The following DEFB119 variants were observed in gnomAD, a reference collection of about 807,000 sequenced individuals.
DEFB119 encodes defensin beta 119.
In DEFB119, 3 loss-of-function variants were observed where a neutral mutation model predicts 2.5. The ratio of observed to expected loss-of-function variants is 1.19; its 90% CI spans 0.54 to 3.07. The LOEUF is 3.07. DEFB119 is among the 30% of genes most tolerant of loss of function. The pLI, the probability that DEFB119 is intolerant of heterozygous loss-of-function variation, is 0.03. For synonymous variants in DEFB119, 29 were observed against 33.7 expected (o/e 0.86, Z 0.48); for missense variants, 113 against 101.1 (o/e 1.12, Z -0.50).
intron 1 of DEFB119, among the ~76,000 whole-genome samples, chr20:31,379,997 T>C (rs778069639): frequency 2.0e-5 from 3 of 152,188 alleles, no homozygotes; most frequent in Non-Finnish European, 4.4e-5. Flanking sequence ...TGTTTCTATG[T>C]TCCAGATACA....
At chr20:31,384,914 T>C (rs534105417) in intron 1 of DEFB119, among the ~76,000 whole-genome samples, 11 of 152,224 alleles carry the variant, frequency 7.2e-5, no homozygotes, top group Non-Finnish European at 1.6e-4. Flanking sequence ...CCTTCTATTT[T>C]TGTAAAATAT....
chr20:31,389,050 A>C (rs749194522), intron 1 of DEFB119: 2 of 1,614,168 alleles, frequency 1.2e-6, no homozygotes, highest in Non-Finnish European at 1.7e-6. Context: ...ATTTGTCTTC[A>C]TTTTTGGAGC....
At chr20:31,382,275 G>A (rs1459837896) in intron 1 of DEFB119, among the ~76,000 whole-genome samples, 1 of 151,958 alleles carries the variant, frequency 6.6e-6, no homozygotes, top group Non-Finnish European at 1.5e-5. Flanking sequence ...AACCTAAGGG[G>A]CTATAGAGAG....
chr20:31,378,832 G>A (rs1217373051), intron 1 of DEFB119, among the ~76,000 whole-genome samples: 1 of 152,010 alleles, frequency 6.6e-6, no homozygotes, highest in African/African-American at 2.4e-5. Flanking sequence ...AAAATGACAG[G>A]AACATTTAAA....
chr20:31,380,026 T>A (rs936806487), intron 1 of DEFB119, among the ~76,000 whole-genome samples: 9 of 152,146 alleles, frequency 5.9e-5, no homozygotes, highest in African/African-American at 1.9e-4. Flanking sequence ...GTCAGATATA[T>A]GGTTTGAAAA....
intron 1 of DEFB119, among the ~76,000 whole-genome samples, chr20:31,377,971 C>T (rs974808958): frequency 2.6e-5 from 4 of 152,198 alleles, no homozygotes; most frequent in Non-Finnish European, 4.4e-5. Context: ...CCAAAGAAGG[C>T]TACGTGGAGA....
chr20:31,383,409 T>G (rs542775712), intron 1 of DEFB119, among the ~76,000 whole-genome samples: 1 of 151,310 alleles, frequency 6.6e-6, no homozygotes, highest in Non-Finnish European at 1.5e-5. Flanking sequence ...CCAGGCATAG[T>G]GGTGTACATC....
Position 31,381,821 on chromosome 20 carries a change from A to G in DEFB119, c.62-4382T>C, listed in dbSNP as rs564626158. Among the ~76,000 whole-genome samples the G allele has an allele frequency of 1.4e-3, 206 of 152,210 alleles. 1 individual carries two copies. The highest frequency in any genetic ancestry group is 4.8e-3 in the African/African-American group (200 of 41,496). ...GCCAGACACTGTCTCAAAAAAAAAAAGAGCATAATGCTGAGCCAAAAAAGA... is the reference window on the plus strand; with the variant it reads ...GCCAGACACTGTCTCAAAAAAAAAAGGAGCATAATGCTGAGCCAAAAAAGA... On this transcript the variant is annotated intron_variant, in intron 1 of 1. Coordinates refer to ENST00000376321, the MANE Select transcript of DEFB119 (RefSeq NM_153289.4).
At chr20:31,385,276 T>C (rs1416711781) in intron 1 of DEFB119, among the ~76,000 whole-genome samples, 2 of 149,800 alleles carry the variant, frequency 1.3e-5, no homozygotes, top group Non-Finnish European at 2.9e-5. Flanking sequence ...TCCTTTCTCA[T>C]AGAATGCCCA....
intron 1 of DEFB119, among the ~76,000 whole-genome samples, chr20:31,385,201 T>A (rs984785644): frequency 1.1e-4 from 16 of 152,190 alleles, no homozygotes; most frequent in Non-Finnish European, 1.2e-4. Flanking sequence ...TTTTCTCAAC[T>A]GAAAAATCCT....
intron 1 of DEFB119, among the ~76,000 whole-genome samples, chr20:31,386,379 C>T (rs1414233773): frequency 6.6e-6 from 1 of 152,084 alleles, no homozygotes; most frequent in Non-Finnish European, 1.5e-5. Flanking sequence ...TTATGCAGCT[C>T]CTGCCTCTGA....
intron 1 of DEFB119, among the ~76,000 whole-genome samples, chr20:31,383,013 A>G (rs528439769): frequency 1.3e-5 from 2 of 152,346 alleles, no homozygotes; most frequent in East Asian, 1.9e-4. Flanking sequence ...CATAGCCTTT[A>G]AAGAGCCAGT....
At position 31,380,750 on chromosome 20, in the gene DEFB119, T is replaced by C. The variant is rs1157995914; in HGVS notation, c.62-3311A>G. 2.0e-5 allele frequency among the ~76,000 whole-genome samples: 3 copies of C among 152,216 alleles called. No individual in the cohort carries two copies. The East Asian group carries it at 5.8e-4, about 29-fold the overall frequency. ...GTTGGCTGTACTTCTATGAGGCTAT[T>C]TCTGAGTTCCCTATTCTGTTCCATT... On this transcript the variant is annotated intron_variant, in intron 1 of 1. Coordinates refer to ENST00000376321, the MANE Select transcript of DEFB119 (RefSeq NM_153289.4).
chr20:31,385,026 C>T (rs2122304310), intron 1 of DEFB119, among the ~76,000 whole-genome samples: 1 of 152,234 alleles, frequency 6.6e-6, no homozygotes, highest in African/African-American at 2.4e-5. Context: ...CTGCTCTCAC[C>T]TTAATCAGAA....
chr20:31,388,375 C>T, intron 1 of DEFB119: 1 of 931,484 alleles, frequency 1.1e-6, no homozygotes, highest in Non-Finnish European at 1.3e-6. Flanking sequence ...ATAGATTCTA[C>T]AATTACTCTA....
intron 1 of DEFB119, among the ~76,000 whole-genome samples, chr20:31,387,228 G>A (rs982338677): frequency 7.9e-5 from 12 of 152,232 alleles, no homozygotes; most frequent in South Asian, 2.1e-4. Flanking sequence ...CTTTCTATAC[G>A]TTTATTGAAC....
intron 1 of DEFB119, among the ~76,000 whole-genome samples, chr20:31,383,493 C>A (rs1328835903): frequency 6.8e-6 from 1 of 146,836 alleles, no homozygotes; most frequent in Non-Finnish European, 1.5e-5. Context: ...AAGACCGTGC[C>A]ACTGCACTCC....
chr20:31,379,517 A>G (rs28641904), intron 1 of DEFB119, among the ~76,000 whole-genome samples: 4,950 of 151,224 alleles, frequency 0.033, 272 homozygotes, highest in African/African-American at 0.11. Context: ...TTTTTGTGGA[A>G]GAAGTCTCGC....
intron 1 of DEFB119, among the ~76,000 whole-genome samples, chr20:31,379,144 G>A (rs1023449167): frequency 2.8e-4 from 43 of 151,936 alleles, no homozygotes; most frequent in African/African-American, 1.0e-3. Flanking sequence ...CACCATGTTG[G>A]CCAGGCTGGT....
Sources: allele counts gnomAD v4.1 joint callset (sites outside exome capture counted in the v4.1 genomes callset), GRCh38; gene constraint gnomAD v4.1.1; transcripts MANE v1.5; gene names NCBI Gene and HGNC (gene_info 2026-07-23, HGNC 2026-07-21).